The following OVOL2 variants were observed in gnomAD, a reference collection of about 807,000 sequenced individuals.
The protein encoded by OVOL2 is ovo like zinc finger 2.
Under a neutral mutation model 18.1 loss-of-function variants are expected in OVOL2, and 13 were observed. The observed-to-expected ratio is 0.72, with a 90% CI of 0.47 to 1.14. The LOEUF (loss-of-function observed/expected upper bound fraction) is 1.14. Ranked by LOEUF, OVOL2 falls within the 50% of genes most tolerant of loss-of-function variation. OVOL2 has a pLI of 0.00. For missense variants in OVOL2, 335 were observed against 383.0 expected, an observed-to-expected ratio of 0.87 and a Z score of 1.05; for synonymous variants, 166 against 162.7, an observed-to-expected ratio of 1.02 and a Z score of -0.16.
chr20:18,032,633 A>C (rs959096443), intron 3 of OVOL2, among the ~76,000 whole-genome samples: 1 of 152,018 alleles, frequency 6.6e-6, no homozygotes, highest in Non-Finnish European at 1.5e-5. Context: ...CAGCCTCCTG[A>C]GTAGCTGGGA....
chr20:18,045,703 T>A (rs2036719259), intron 2 of OVOL2, among the ~76,000 whole-genome samples: 1 of 152,156 alleles, frequency 6.6e-6, no homozygotes, highest in Admixed American at 6.5e-5. Context: ...GATCTTCAAC[T>A]CTTATCCTCA....
chr20:18,044,431 T>C (rs2122714030), intron 2 of OVOL2, among the ~76,000 whole-genome samples: 1 of 152,340 alleles, frequency 6.6e-6, no homozygotes, highest in Non-Finnish European at 1.5e-5. Context: ...CAGTATGTGC[T>C]GACCGGCAGC....
intron 3 of OVOL2, among the ~76,000 whole-genome samples, chr20:18,033,157 A>G (rs1352639431): frequency 6.6e-6 from 1 of 152,276 alleles, no homozygotes; most frequent in African/African-American, 2.4e-5. Flanking sequence ...TTGGGCTCCA[A>G]ACAAAGACAC....
Position 18,057,748 on chromosome 20 carries a change from G to T in OVOL2, c.-114C>A. ...CGGCCAGAGCCCACCTTCCCGCCTC[G>T]CCTGCCCTCTTCCTCCACCCCCCGC... On this transcript the variant is annotated 5_prime_UTR_variant, in exon 1 of 4. Transcript: ENST00000278780. The surrounding 1 kb of genome is among the most constrained non-coding windows in gnomAD (Gnocchi z 6.3). 2 of 1,429,196 alleles carry T rather than the reference G, an allele frequency of 1.4e-6. No individual in the cohort carries two copies. Among genetic ancestry groups the T allele is most frequent in the South Asian group, 3.0e-5 (2 of 66,984 alleles). The allele number at this position is 1,429,196 out of a possible 1,614,324, so 88.5% of individuals were successfully genotyped here.
chr20:18,057,842 T>C lies in OVOL2; in HGVS notation c.-208A>G. On this transcript the variant is annotated 5_prime_UTR_variant, in exon 1 of 4. Transcript: ENST00000278780. This position sits in a 1 kb window ranked among gnomAD's most constrained non-coding sequence, Gnocchi z 6.3. ...CAGCCTCCCGGCTCGGCGACACCTA[T>C]GCCTTAAATCGCGAGTGAGACCACG... 3 of 1,355,722 alleles carry C rather than the reference T, an allele frequency of 2.2e-6. No homozygotes were observed. Among genetic ancestry groups the C allele is most frequent in the Non-Finnish European group, 2.8e-6 (3 of 1,061,452 alleles). 84.0% of individuals were successfully genotyped at this position (1,355,722 alleles called of 1,614,324 possible). A position where few individuals can be genotyped will look rare whatever the true frequency, so the allele number is the denominator to read the frequency against.
intron 2 of OVOL2, among the ~76,000 whole-genome samples, chr20:18,044,215 G>A (rs1290570980): frequency 6.6e-6 from 1 of 152,184 alleles, no homozygotes; most frequent in Non-Finnish European, 1.5e-5. Context: ...TCTAACCAGA[G>A]CCCAGGAGAT....
At position 18,041,633 on chromosome 20, in the gene OVOL2, G is replaced by A. The variant is rs142877208; in HGVS notation, c.412C>T (p.Leu138Phe). 7.1e-5 allele frequency: 114 copies of A among 1,614,016 alleles called. No homozygotes were observed. Among genetic ancestry groups the A allele is most frequent in the Non-Finnish European group, 9.0e-5 (106 of 1,180,038 alleles). The change falls in exon 3 of 4, where the codon CTC becomes TTC. Residue 138 changes from leucine to phenylalanine, a missense_variant. Transcript: ENST00000278780. ...FRLQRMLNRH[L>F]KCHNQVKRHL... is the part of the protein sequence containing the mutation. ...CTTTTCACCTGGTTGTGGCACTTGA[G>A]GTGACGGTTCAGCATGCGCTGCAGA...
intron 3 of OVOL2, among the ~76,000 whole-genome samples, chr20:18,039,933 T>C (rs964525456): frequency 1.3e-5 from 2 of 152,068 alleles, no homozygotes; most frequent in African/African-American, 4.8e-5. Context: ...AACCCTTTTT[T>C]TTTCCCCTTG....
chr20:18,054,568 C>T (rs998783768), intron 2 of OVOL2, among the ~76,000 whole-genome samples: 2 of 151,950 alleles, frequency 1.3e-5, no homozygotes, highest in Admixed American at 6.6e-5. Context: ...CATGGAGAAA[C>T]CCTGTCTCTA....
chr20:18,036,859 G>C (rs1050640240), intron 3 of OVOL2, among the ~76,000 whole-genome samples: 1 of 152,082 alleles, frequency 6.6e-6, no homozygotes, highest in African/African-American at 2.4e-5. Context: ...GCAACAGGCC[G>C]GGCGCGGTGG....
chr20:18,034,634 C>T (rs938324425), intron 3 of OVOL2, among the ~76,000 whole-genome samples: 16 of 150,586 alleles, frequency 1.1e-4, no homozygotes, highest in African/African-American at 4.0e-4. Flanking sequence ...CTTTCTCTCT[C>T]TCTCTCTCTC....
At chr20:18,037,302 C>A (rs1245751139) in intron 3 of OVOL2, among the ~76,000 whole-genome samples, 2 of 152,232 alleles carry the variant, frequency 1.3e-5, no homozygotes, top group African/African-American at 4.8e-5. Context: ...TGGTTCCCAG[C>A]TCCACCACTG....
chr20:18,053,664 G>A (rs965917993), intron 2 of OVOL2, among the ~76,000 whole-genome samples: 20 of 148,060 alleles, frequency 1.4e-4, no homozygotes, highest in African/African-American at 5.0e-4. Flanking sequence ...TTGCGCAACT[G>A]TACTCCAGCT....
intron 2 of OVOL2, among the ~76,000 whole-genome samples, chr20:18,046,630 C>T (rs921666852): frequency 1.3e-5 from 2 of 152,182 alleles, no homozygotes; most frequent in Non-Finnish European, 2.9e-5. Flanking sequence ...TCTCCAGACG[C>T]CAGACCTGCC....
At position 18,031,753 on chromosome 20, in the gene OVOL2, G is replaced by A. The variant is rs116670994; in HGVS notation, c.512-6801C>T. Among the ~76,000 whole-genome samples the A allele has an allele frequency of 9.6e-3, 1,454 of 152,246 alleles. 25 individuals carry two copies. Among genetic ancestry groups the A allele is most frequent in the African/African-American group, 0.033 (1,379 of 41,536 alleles). On this transcript the variant is annotated intron_variant, in intron 3 of 3. Coordinates refer to ENST00000278780, the MANE Select transcript of OVOL2 (RefSeq NM_021220.4). Reference sequence around the variant, plus strand: ...GAGGAGAGGGGGGACTGCTTTCGCCGTCTGCCCTTTTGAATTTTGTACCAT... The same window carrying A: ...GAGGAGAGGGGGGACTGCTTTCGCCATCTGCCCTTTTGAATTTTGTACCAT...
chr20:18,040,928 C>A (rs2036661842), intron 3 of OVOL2, among the ~76,000 whole-genome samples: 1 of 152,198 alleles, frequency 6.6e-6, no homozygotes, highest in Non-Finnish European at 1.5e-5. Context: ...AACCAAGGGG[C>A]TGAGCTGTGG....
At chr20:18,039,949 G>A (rs576304063) in intron 3 of OVOL2, among the ~76,000 whole-genome samples, 4 of 152,164 alleles carry the variant, frequency 2.6e-5, no homozygotes, top group East Asian at 1.9e-4. Flanking sequence ...CCTTGAGACC[G>A]GGTCTTGCTC....
chr20:18,042,528 G>A (rs1321328395), intron 2 of OVOL2, among the ~76,000 whole-genome samples: 1 of 151,992 alleles, frequency 6.6e-6, no homozygotes, highest in African/African-American at 2.4e-5. Flanking sequence ...TGTAATCCCA[G>A]CACTTTGGGA....
intron 2 of OVOL2, among the ~76,000 whole-genome samples, chr20:18,049,550 T>C (rs1014664645): frequency 4.5e-5 from 6 of 133,774 alleles, no homozygotes; most frequent in South Asian, 2.4e-4. Flanking sequence ...GGCATTCAGA[T>C]TCCCCCCCCG....
Sources: allele counts gnomAD v4.1 joint callset (sites outside exome capture counted in the v4.1 genomes callset), GRCh38; gene constraint gnomAD v4.1.1; non-coding constraint Gnocchi (gnomAD v3.1); transcripts MANE v1.5; gene names NCBI Gene and HGNC (gene_info 2026-07-23, HGNC 2026-07-21).